DDB1: variants seen among roughly 807,000 people sequenced by gnomAD.
DDB1 encodes damage specific DNA binding protein 1.
A neutral mutation model predicts 133.1 loss-of-function variants in DDB1; 18 were observed. The observed-to-expected ratio is 0.14, with a 90% CI of 0.09 to 0.20. The LOEUF (loss-of-function observed/expected upper bound fraction) is 0.20, where lower values mean the gene tolerates loss of function less well. Among genes scored for constraint, DDB1 ranks in the 10% least tolerant of loss-of-function variants. DDB1 has a pLI of 1.00. For missense variants in DDB1, 828 were observed against 1,459.2 expected (o/e 0.57, Z 7.05); for synonymous variants, 580 against 550.5 (o/e 1.05, Z -0.75).
At position 61,302,710 on chromosome 11, in the gene DDB1, A is replaced by G; in HGVS notation, c.2984T>C (p.Val995Ala). 2 of 1,614,048 alleles carry G rather than the reference A, an allele frequency of 1.2e-6. No individual in the cohort carries two copies. The highest frequency in any genetic ancestry group is 1.7e-6 in the Non-Finnish European group (2 of 1,179,982). The change falls in exon 24 of 27, where the codon GTT becomes GCT. Residue 995 changes from valine to alanine, a missense_variant. Around this residue, in one of 7 missense-constraint regions of DDB1, gnomAD observed 116 missense variants for 221.6 expected, o/e 0.52. Coordinates refer to ENST00000301764, the MANE Select transcript of DDB1 (RefSeq NM_001923.5). The stretch of plus-strand genomic sequence containing the variant: ...AAACTCGCCCAGGTGGAAAAGACCA[A>G]CCTCCTGGAGGTGCTGCCGCTCCTC... Reference protein sequence around the residue: ...TDEERQHLQEVGLFHLGEFVN... With the variant: ...TDEERQHLQEAGLFHLGEFVN...
intron 21 of DDB1, 63 bp downstream of exon 21, chr11:61,308,920 G>C: frequency 6.6e-7 from 1 of 1,525,326 alleles, no homozygotes; most frequent in South Asian, 1.1e-5. Flanking sequence ...CAACCTAAGA[G>C]AGACACATTC....
rs577729683 is a variant in DDB1 at position 61,329,783 on chromosome 11, T to A, written c.327+175A>T. ...TGAATCTCAATGAATTATTACCCTGTCCCTTGGGTCTTGAGTGAACTACAG... is the reference window on the plus strand; with the variant it reads ...TGAATCTCAATGAATTATTACCCTGACCCTTGGGTCTTGAGTGAACTACAG... On this transcript the variant is annotated intron_variant, in intron 3 of 26. Coordinates refer to ENST00000301764, the MANE Select transcript of DDB1 (RefSeq NM_001923.5). Among the ~76,000 whole-genome samples the A allele has an allele frequency of 6.6e-5, 10 of 152,212 alleles. No homozygotes were observed. Among genetic ancestry groups the A allele is most frequent in the Non-Finnish European group, 1.3e-4 (9 of 68,044 alleles).
In DDB1 at chr11:61,325,722, A is replaced by G. The variant is rs1856258827; in HGVS notation, c.665-14T>C. On this transcript the variant is annotated splice_polypyrimidine_tract_variant and intron_variant, in intron 5 of 26. Coordinates refer to ENST00000301764, the MANE Select transcript of DDB1 (RefSeq NM_001923.5). ...AGGGCTCTGGGACTGCAGGAAAGAC[A>G]GCAAAATTAGAATGCTCAGCACTCT... is the stretch of plus-strand genomic sequence containing the variant. The G allele has an allele frequency of 9.3e-6, 15 of 1,605,408 alleles. No homozygotes were observed. The highest frequency in any genetic ancestry group is 1.3e-5 in the Non-Finnish European group (15 of 1,174,028).
intron 4 of DDB1, among the ~76,000 whole-genome samples, chr11:61,327,853 T>A (rs1439379202): frequency 2.0e-5 from 3 of 152,252 alleles, no homozygotes; most frequent in Non-Finnish European, 2.9e-5. Flanking sequence ...CACATCTTAG[T>A]CACTGTTACA....
At chr11:61,322,181 G>A (rs1856191590) in intron 9 of DDB1, 115 bp downstream of exon 9, 2 of 826,268 alleles carry the variant, frequency 2.4e-6, no homozygotes, top group South Asian at 3.1e-5. Flanking sequence ...TGGGATTCAT[G>A]AGGGGGCTCT....
chr11:61,303,424 C>T (rs754762294), intron 22 of DDB1: 51 of 381,982 alleles, frequency 1.3e-4, no homozygotes, highest in Non-Finnish European at 2.3e-4. Flanking sequence ...CACAGTGGCT[C>T]ACGCCTGTAA....
At chr11:61,319,517 C>T (rs1053473729) in intron 10 of DDB1, among the ~76,000 whole-genome samples, 26 of 152,002 alleles carry the variant, frequency 1.7e-4, no homozygotes, top group Non-Finnish European at 3.2e-4. Flanking sequence ...CTGCAACCTC[C>T]GCCTCCTGGG....
In DDB1 at chr11:61,300,218, T is replaced by C. The variant is rs767656071; in HGVS notation, c.3341A>G (p.Tyr1114Cys). The change falls in exon 27 of 27, where the codon TAT becomes TGT. Residue 1114 changes from tyrosine (Y) to cysteine (C), a missense_variant and splice_region_variant. Physicochemically the swap from Tyr to Cys is radical, Grantham distance 194 (BLOSUM62 -2). This residue lies in a region of DDB1 where 116 missense variants were observed against 221.6 expected (regional missense o/e 0.52). Transcript: ENST00000301764. The stretch of plus-strand genomic sequence containing the variant: ...TCGCTTCATACCGCTGCCATCGTCA[T>C]ACTGCAATGAGAAGATGGGCGGGGC... ...KMQEVVANLQ[Y>C]DDGSGMKREA... 1.9e-6 allele frequency: 3 copies of C among 1,614,032 alleles called. No homozygotes were observed. The highest frequency in any genetic ancestry group is 2.5e-6 in the Non-Finnish European group (3 of 1,179,960).
At chr11:61,326,954 G>A in intron 4 of DDB1, 61 bp from the exon 5 acceptor site, 1 of 1,259,090 alleles carries the variant, frequency 7.9e-7, no homozygotes, top group African/African-American at 1.5e-5. Context: ...CTAGAGAGAG[G>A]TGCTGTAAGG....
chr11:61,329,073 G>C (rs1048480058), intron 4 of DDB1, among the ~76,000 whole-genome samples: 10 of 152,070 alleles, frequency 6.6e-5, no homozygotes, highest in African/African-American at 2.4e-4. Context: ...GAGAATCAAA[G>C]TATAAACTGG....
At chr11:61,316,076 T>C (rs1856060584) in intron 12 of DDB1, 1 of 496,168 alleles carries the variant, frequency 2.0e-6, no homozygotes, top group Non-Finnish European at 3.6e-6. Flanking sequence ...ACACAGACAT[T>C]TGCAGAAGAA....
intron 3 of DDB1, 100 bp from the exon 4 acceptor site, chr11:61,329,684 A>G: frequency 8.9e-7 from 1 of 1,122,980 alleles, no homozygotes; most frequent in South Asian, 1.5e-5. Context: ...GAGAGGTATT[A>G]AAACTAATGG....
At chr11:61,305,616 CCTCCAACAGAAAG>C (rs1236366294) in intron 21 of DDB1, among the ~76,000 whole-genome samples, 2 of 152,328 alleles carry the variant, frequency 1.3e-5, no homozygotes, top group Non-Finnish European at 2.9e-5. Flanking sequence ...GGCCTCCACA[CCTCCAACAGAAAG>C]AGTGAAGCGG....
At chr11:61,302,150 T>C in intron 25 of DDB1, 107 bp downstream of exon 25, 1 of 983,284 alleles carries the variant, frequency 1.0e-6, no homozygotes, top group South Asian at 1.4e-5. Context: ...ACCTGTTCTG[T>C]ACAGGAACCT....
intron 18 of DDB1, chr11:61,311,300 A>ACATAC: frequency 6.7e-6 from 1 of 149,804 alleles, no homozygotes; most frequent in Non-Finnish European, 1.4e-5. Flanking sequence ...ACATAACATA[A>ACATAC]CATAACATAA....
rs1197031775 is a variant in DDB1 at position 61,312,039 on chromosome 11, A to G, written c.2115T>C (p.Asp705=). 1.9e-6 allele frequency: 3 copies of G among 1,613,150 alleles called. No individual in the cohort carries two copies. Among genetic ancestry groups the G allele is most frequent in the Middle Eastern group, 1.6e-4 (1 of 6,076 alleles). The change falls in exon 17 of 27, where the codon GAT becomes GAC. Residue 705 remains aspartate (D), a synonymous_variant. Coordinates refer to ENST00000301764, the MANE Select transcript of DDB1 (RefSeq NM_001923.5). ...TGCGAATGTGCAGCTTCTGGATCTCATCGATGGTGCCAATGGTGAGGGTGC... is the reference window on the plus strand; with the variant it reads ...TGCGAATGTGCAGCTTCTGGATCTCGTCGATGGTGCCAATGGTGAGGGTGC... The part of the protein sequence containing the change: ...NNSTLTIGTI[D]EIQKLHIRTV...
chr11:61,313,673 C>T lies in DDB1; in HGVS notation c.1895G>A (p.Gly632Asp). ...LLSDRKKVTL[G>D]TQPTVLRTFR... is the part of the protein sequence containing the mutation. ...AGTCCTCAATACGGTGGGCTGGGTG[C>T]CCAAAGTCACCTTCTTACGGTCGCT... The change falls in exon 16 of 27, where the codon GGC becomes GAC. Residue 632 changes from glycine to aspartate, a missense_variant. This residue lies in a region of DDB1 where 396 missense variants were observed against 554.1 expected (regional missense o/e 0.71). Transcript: ENST00000301764. 6.2e-7 allele frequency: 1 copy of T among 1,613,272 alleles called. No homozygotes were observed. The highest frequency in any genetic ancestry group is 8.5e-7 in the Non-Finnish European group (1 of 1,179,614).
At chr11:61,308,220 A>G (rs1008568131) in intron 21 of DDB1, among the ~76,000 whole-genome samples, 1 of 152,114 alleles carries the variant, frequency 6.6e-6, no homozygotes, top group African/African-American at 2.4e-5. Context: ...CAGTCCCCAC[A>G]GACACCAGGC....
chr11:61,325,080 G>A (rs776879243), intron 6 of DDB1, among the ~76,000 whole-genome samples: 10 of 152,070 alleles, frequency 6.6e-5, no homozygotes, highest in African/African-American at 1.4e-4. Context: ...CCTGGGAGGC[G>A]GAGGTTGCAG....
Sources: allele counts gnomAD v4.1 joint callset (sites outside exome capture counted in the v4.1 genomes callset), GRCh38; gene constraint gnomAD v4.1.1; regional missense constraint gnomAD v4.1.1; transcripts MANE v1.5; gene names NCBI Gene and HGNC (gene_info 2026-07-23, HGNC 2026-07-21).